Variants in LHFPL6 observed in about 807,000 individuals in gnomAD.
The protein encoded by LHFPL6 is LHFPL tetraspan subfamily member 6.
In LHFPL6, 9 loss-of-function variants were observed where a neutral mutation model predicts 20.6. The ratio of observed to expected loss-of-function variants is 0.44; its 90% CI spans 0.26 to 0.76. LHFPL6 has a LOEUF of 0.76. LHFPL6 is among the 30% of genes least tolerant of loss of function. The pLI is 0.20. For synonymous variants in LHFPL6, 105 were observed against 98.7 expected, an observed-to-expected ratio of 1.06 and a Z score of -0.38; for missense variants, 218 against 253.5, an observed-to-expected ratio of 0.86 and a Z score of 0.95.
At chr13:39,591,738 C>T (rs1221828238) in intron 2 of LHFPL6, among the ~76,000 whole-genome samples, 2 of 152,080 alleles carry the variant, frequency 1.3e-5, no homozygotes, top group African/African-American at 4.8e-5. Context: ...TGGGGCTAGG[C>T]CTTGGACTGT....
chr13:39,593,789 C>T (rs1872684563), intron 2 of LHFPL6, among the ~76,000 whole-genome samples: 1 of 151,970 alleles, frequency 6.6e-6, no homozygotes, highest in Non-Finnish European at 1.5e-5. Context: ...TGGAACAGAA[C>T]AGAGCCCTCA....
intron 2 of LHFPL6, among the ~76,000 whole-genome samples, chr13:39,556,326 G>T (rs1451224185): frequency 6.6e-6 from 1 of 152,174 alleles, no homozygotes. Flanking sequence ...AGGAAGATGA[G>T]GGAAAGTTTG....
At chr13:39,368,378 T>C (rs1230224044) in intron 3 of LHFPL6, among the ~76,000 whole-genome samples, 3 of 151,182 alleles carry the variant, frequency 2.0e-5, no homozygotes, top group Admixed American at 2.0e-4. Context: ...GGTCAAGAGA[T>C]CAAGACCATC....
At chr13:39,585,242 C>T (rs946737011) in intron 2 of LHFPL6, among the ~76,000 whole-genome samples, 1 of 152,150 alleles carries the variant, frequency 6.6e-6, no homozygotes, top group African/African-American at 2.4e-5. Context: ...GTGAGTCTTG[C>T]TAAGGAGCAC....
At chr13:39,538,303 T>G (rs1870690826) in intron 2 of LHFPL6, among the ~76,000 whole-genome samples, 1 of 151,508 alleles carries the variant, frequency 6.6e-6, no homozygotes, top group Non-Finnish European at 1.5e-5. Context: ...TTTTCTTATC[T>G]TTAAAATAAT....
intron 2 of LHFPL6, among the ~76,000 whole-genome samples, chr13:39,398,939 G>T (rs1466421709): frequency 6.6e-6 from 1 of 152,146 alleles, no homozygotes; most frequent in East Asian, 1.9e-4. Context: ...TGGAAAAATT[G>T]TCTCCACAAA....
intron 2 of LHFPL6, among the ~76,000 whole-genome samples, chr13:39,541,021 A>G (rs1393661657): frequency 6.6e-6 from 1 of 152,244 alleles, no homozygotes; most frequent in African/African-American, 2.4e-5. Flanking sequence ...TATACTAGAC[A>G]TATACTTTCT....
chr13:39,390,233 CTG>C (rs1452803870), intron 2 of LHFPL6, among the ~76,000 whole-genome samples: 1 of 152,130 alleles, frequency 6.6e-6, no homozygotes, highest in Non-Finnish European at 1.5e-5. Context: ...TATATAGACT[CTG>C]TGTAGTTTGC....
At chr13:39,546,689 A>G (rs1301882973) in intron 2 of LHFPL6, among the ~76,000 whole-genome samples, 1 of 152,026 alleles carries the variant, frequency 6.6e-6, no homozygotes, top group Non-Finnish European at 1.5e-5. Context: ...CCCCATCTCT[A>G]TTCCTCACTT....
chr13:39,369,476 A>G (rs544657298), intron 3 of LHFPL6, among the ~76,000 whole-genome samples: 1 of 152,256 alleles, frequency 6.6e-6, no homozygotes, highest in Admixed American at 6.5e-5. Flanking sequence ...TTAAAAAGTG[A>G]TGCCATGATT....
chr13:39,410,768 CT>C (rs1466310676), intron 2 of LHFPL6, among the ~76,000 whole-genome samples: 1 of 152,182 alleles, frequency 6.6e-6, no homozygotes. Context: ...CTTCAGGATG[CT>C]TTTCAAAAGT....
intron 3 of LHFPL6, among the ~76,000 whole-genome samples, chr13:39,345,419 A>G (rs1869367251): frequency 6.8e-6 from 1 of 146,104 alleles, no homozygotes; most frequent in Non-Finnish European, 1.5e-5. Flanking sequence ...AGGCTGAGGC[A>G]GGAGAATCAC....
chr13:39,389,242 G>A (rs1400556362), intron 2 of LHFPL6, among the ~76,000 whole-genome samples: 1 of 152,170 alleles, frequency 6.6e-6, no homozygotes, highest in Non-Finnish European at 1.5e-5. Flanking sequence ...CCTCAGGGGA[G>A]GGGCTGACTG....
At chr13:39,414,681 C>A (rs1159469498) in intron 2 of LHFPL6, among the ~76,000 whole-genome samples, 1 of 152,118 alleles carries the variant, frequency 6.6e-6, no homozygotes, top group East Asian at 1.9e-4. Flanking sequence ...TGTGTTAAAA[C>A]ATGCTATGAA....
intron 3 of LHFPL6, among the ~76,000 whole-genome samples, chr13:39,378,189 C>T (rs1593290951): frequency 6.6e-6 from 1 of 152,102 alleles, no homozygotes; most frequent in Non-Finnish European, 1.5e-5. Context: ...ATAAACTCTT[C>T]GGGGCAGGGG....
At chr13:39,409,216 G>A (rs573313535) in intron 2 of LHFPL6, among the ~76,000 whole-genome samples, 1 of 152,294 alleles carries the variant, frequency 6.6e-6, no homozygotes, top group African/African-American at 2.4e-5. Flanking sequence ...CACTTTGGGA[G>A]GCTGAGGTGG....
At chr13:39,373,449 T>C (rs1042161485) in intron 3 of LHFPL6, among the ~76,000 whole-genome samples, 2 of 152,228 alleles carry the variant, frequency 1.3e-5, no homozygotes, top group Non-Finnish European at 2.9e-5. Flanking sequence ...TCCCATTCTA[T>C]GTCAGTGTTA....
intron 2 of LHFPL6, among the ~76,000 whole-genome samples, chr13:39,509,077 T>C (rs1324115216): frequency 6.6e-6 from 1 of 152,184 alleles, no homozygotes. Flanking sequence ...GGTTTTAATT[T>C]GCATTTCCTA....
rs539802640 is a variant in LHFPL6, at chr13:39,564,992, T to C, written c.385+35840A>G. ...CAAAGATTGTATTCTCACAGAGGAG[T>C]GGCTCTGGATGAGTGGCAATCCCAA... is the stretch of plus-strand genomic sequence containing the variant. On this transcript the variant is annotated intron_variant, in intron 2 of 3. Transcript: ENST00000379589. Among the ~76,000 whole-genome samples the C allele has an allele frequency of 2.0e-5, 3 of 152,192 alleles. No homozygotes were observed. The South Asian group carries it at 6.2e-4, about 32-fold the overall frequency.
Sources: gnomAD v4.1 joint callset for allele counts (sites outside exome capture counted in the v4.1 genomes callset) on GRCh38, gnomAD v4.1.1 for gene constraint, MANE v1.5 for transcripts, NCBI Gene and HGNC (gene_info 2026-07-23, HGNC 2026-07-21) for gene names.